PTPRD: variants seen among roughly 807,000 people sequenced by gnomAD.
The protein encoded by PTPRD is protein tyrosine phosphatase receptor type D.
A neutral mutation model predicts 214.5 loss-of-function variants in PTPRD; 34 were observed. The observed-to-expected ratio is 0.16, with a 90% CI of 0.12 to 0.21. The LOEUF (loss-of-function observed/expected upper bound fraction) is 0.21. PTPRD is among the 10% of genes least tolerant of loss of function. PTPRD has a pLI of 1.00. For synonymous variants in PTPRD, 1,128 were observed against 845.7 expected (o/e 1.33, Z -5.79); for missense variants, 2,545 against 2,398.7 (o/e 1.06, Z -1.27).
intron 11 of PTPRD, among the ~76,000 whole-genome samples, chr9:8,898,531 A>C (rs1237551028): frequency 6.6e-6 from 1 of 152,234 alleles, no homozygotes; most frequent in Non-Finnish European, 1.5e-5. Flanking sequence ...TGAGTTAATA[A>C]AAGTATTGCA....
At chr9:8,813,092 C>G (rs370493078) in intron 11 of PTPRD, among the ~76,000 whole-genome samples, 1 of 152,078 alleles carries the variant, frequency 6.6e-6, no homozygotes, top group African/African-American at 2.4e-5. Context: ...AGGGCGCTAT[C>G]GGTGGAAAAG....
chr9:8,883,367 C>A (rs1566815607), intron 11 of PTPRD, among the ~76,000 whole-genome samples: 2 of 152,116 alleles, frequency 1.3e-5, no homozygotes, highest in Admixed American at 6.5e-5. Context: ...TCTTAAAATC[C>A]TTCTCAGCAC....
chr9:9,073,499 A>T (rs2099746810), intron 10 of PTPRD, among the ~76,000 whole-genome samples: 1 of 152,172 alleles, frequency 6.6e-6, no homozygotes. Flanking sequence ...ATTTACCACC[A>T]GTTAAGTAAA....
At chr9:8,808,122 T>C (rs1404403945) in intron 11 of PTPRD, among the ~76,000 whole-genome samples, 1 of 152,166 alleles carries the variant, frequency 6.6e-6, no homozygotes, top group Non-Finnish European at 1.5e-5. Context: ...AGTATCATCG[T>C]GTTTTGTCTT....
intron 11 of PTPRD, among the ~76,000 whole-genome samples, chr9:8,835,996 C>T (rs762868146): frequency 6.6e-6 from 1 of 152,270 alleles, no homozygotes; most frequent in South Asian, 2.1e-4. Flanking sequence ...ACGTCTGTAA[C>T]ACAGTAGGAA....
At chr9:9,737,606 C>T (rs1030493421) in intron 6 of PTPRD, among the ~76,000 whole-genome samples, 8 of 152,052 alleles carry the variant, frequency 5.3e-5, no homozygotes, top group African/African-American at 1.9e-4. Flanking sequence ...AACATGTGAC[C>T]TTTTGTGTCT....
intron 4 of PTPRD, among the ~76,000 whole-genome samples, chr9:9,980,025 G>C (rs2095486988): frequency 6.6e-6 from 1 of 151,986 alleles, no homozygotes; most frequent in African/African-American, 2.4e-5. Context: ...TTGAATAAAA[G>C]GGCAAATAGG....
intron 5 of PTPRD, among the ~76,000 whole-genome samples, chr9:9,896,372 T>C (rs181785474): frequency 8.8e-4 from 134 of 152,166 alleles, no homozygotes; most frequent in African/African-American, 3.1e-3. Context: ...CAGCTTCAAA[T>C]CATTTTTTCA....
chr9:8,599,613 CTTTTTTTTTTTTTTTTT>C (rs1172437057), intron 14 of PTPRD, among the ~76,000 whole-genome samples: 61 of 53,440 alleles, frequency 1.1e-3, no homozygotes, highest in South Asian at 2.5e-3. Flanking sequence ...CCCGCCCACC[CTTTTTTTTTTTTTTTTT>C]TTTTTTTTTT....
chr9:10,447,464 C>A (rs2098808045), intron 2 of PTPRD, among the ~76,000 whole-genome samples: 1 of 152,076 alleles, frequency 6.6e-6, no homozygotes, highest in Admixed American at 6.5e-5. Context: ...TTGGTGGAAA[C>A]CTGAACCTCT....
At chr9:9,340,422 T>A (rs1047788752) in intron 9 of PTPRD, among the ~76,000 whole-genome samples, 1 of 152,248 alleles carries the variant, frequency 6.6e-6, no homozygotes, top group African/African-American at 2.4e-5. Context: ...TAATTATGCT[T>A]ATTATACATT....
chr9:8,467,637 TATC>T (rs1226027803), intron 31 of PTPRD, among the ~76,000 whole-genome samples: 1 of 151,944 alleles, frequency 6.6e-6, no homozygotes, highest in African/African-American at 2.4e-5. Context: ...GATTACACAA[TATC>T]ATAAGGAAAT....
chr9:8,637,742 G>C (rs1373268061), intron 12 of PTPRD, among the ~76,000 whole-genome samples: 1 of 152,178 alleles, frequency 6.6e-6, no homozygotes, highest in Non-Finnish European at 1.5e-5. Context: ...AGTATAAGTA[G>C]TTGAAACATT....
At chr9:8,924,845 A>G (rs758392816) in intron 11 of PTPRD, among the ~76,000 whole-genome samples, 8 of 152,186 alleles carry the variant, frequency 5.3e-5, no homozygotes, top group Non-Finnish European at 8.8e-5. Context: ...TTTTCTTGAA[A>G]TGTGACAGTG....
chr9:8,864,192 A>T (rs896692993), intron 11 of PTPRD, among the ~76,000 whole-genome samples: 1 of 152,230 alleles, frequency 6.6e-6, no homozygotes. Flanking sequence ...TAACCTGAAA[A>T]GGAAGTTAAA....
chr9:9,542,063 T>C (rs956523506), intron 8 of PTPRD, among the ~76,000 whole-genome samples: 1 of 151,628 alleles, frequency 6.6e-6, no homozygotes, highest in Non-Finnish European at 1.5e-5. Flanking sequence ...AATTGGTTCT[T>C]TGAAAAGATC....
intron 36 of PTPRD, among the ~76,000 whole-genome samples, chr9:8,403,453 C>CAG (rs1564568381): frequency 6.6e-6 from 1 of 152,064 alleles, no homozygotes; most frequent in Non-Finnish European, 1.5e-5. Flanking sequence ...CTGTTAGAGG[C>CAG]ACAGATTTAA....
chr9:9,952,064 G>C (rs903467578), intron 4 of PTPRD, among the ~76,000 whole-genome samples: 1 of 152,142 alleles, frequency 6.6e-6, no homozygotes, highest in African/African-American at 2.4e-5. Context: ...GAGGGACAGA[G>C]GCTGAGGATG....
intron 2 of PTPRD, among the ~76,000 whole-genome samples, chr9:10,350,759 T>G (rs909034815): frequency 1.3e-5 from 2 of 152,180 alleles, no homozygotes; most frequent in Non-Finnish European, 2.9e-5. Context: ...CATCCATGCA[T>G]TGATTTCTAC....
Sources: allele counts gnomAD v4.1 joint callset (sites outside exome capture counted in the v4.1 genomes callset), GRCh38; gene constraint gnomAD v4.1.1; transcripts MANE v1.5; gene names NCBI Gene and HGNC (gene_info 2026-07-23, HGNC 2026-07-21).